Variants in COL26A1 observed in about 807,000 individuals in gnomAD.
COL26A1 encodes the protein collagen alpha-1(XXVI) chain.
A neutral mutation model predicts 59.3 loss-of-function variants in COL26A1; 41 were observed. The observed-to-expected ratio is 0.69, with a 90% CI of 0.54 to 0.90. The LOEUF (loss-of-function observed/expected upper bound fraction) is 0.90, where lower values mean the gene tolerates loss of function less well. COL26A1 is among the 40% of genes least tolerant of loss of function. The pLI is 0.00. For synonymous variants in COL26A1, 266 were observed against 256.0 expected, an observed-to-expected ratio of 1.04 and a Z score of -0.37; for missense variants, 612 against 602.3, an observed-to-expected ratio of 1.02 and a Z score of -0.17.
chr7:101,489,495 T>C (rs1794337636), intron 3 of COL26A1, among the ~76,000 whole-genome samples: 4 of 152,166 alleles, frequency 2.6e-5, no homozygotes, highest in Non-Finnish European at 5.9e-5. Flanking sequence ...CAAGAAACAA[T>C]TCATAGCTCA....
At chr7:101,376,839 A>G (rs1306336114) in intron 1 of COL26A1, among the ~76,000 whole-genome samples, 1 of 151,690 alleles carries the variant, frequency 6.6e-6, no homozygotes, top group Non-Finnish European at 1.5e-5. Context: ...GAGGCTGAGG[A>G]TTTATTTTCT....
intron 3 of COL26A1, among the ~76,000 whole-genome samples, chr7:101,493,481 T>G (rs1270533231): frequency 6.6e-6 from 1 of 152,154 alleles, no homozygotes; most frequent in African/African-American, 2.4e-5. Flanking sequence ...AGCTGTCACC[T>G]TGGCCAGGGC....
At chr7:101,540,615 G>A (rs1328743065) in intron 5 of COL26A1, among the ~76,000 whole-genome samples, 2 of 151,760 alleles carry the variant, frequency 1.3e-5, no homozygotes, top group African/African-American at 4.8e-5. Flanking sequence ...CACTTTGGAA[G>A]GTCAAGGCAG....
At position 101,385,367 on chromosome 7, in the gene COL26A1, G is replaced by GTATATATATA. The variant is rs373941775; in HGVS notation, c.158+22187_158+22196dup. Among the ~76,000 whole-genome samples the GTATATATATA allele has an allele frequency of 2.3e-3, 314 of 137,040 alleles. 7 individuals carry two copies. Among genetic ancestry groups the GTATATATATA allele is most frequent in the Middle Eastern group, 3.7e-3 (1 of 268 alleles). 89.9% of individuals were successfully genotyped at this position (137,040 alleles called of 152,430 possible). On this transcript the variant is annotated intron_variant, in intron 1 of 12. Coordinates refer to ENST00000313669, the MANE Select transcript of COL26A1 (RefSeq NM_001278563.3). ...TATATATATGTGTATATATATGTGT[G>GTATATATATA]TATATATATATATATATATTTGTGA...
intron 2 of COL26A1, among the ~76,000 whole-genome samples, chr7:101,435,604 C>T (rs955836819): frequency 3.9e-5 from 6 of 152,224 alleles, no homozygotes; most frequent in Middle Eastern, 3.4e-3. Flanking sequence ...TTGGGCGTCA[C>T]GGACATTGGG....
intron 2 of COL26A1, among the ~76,000 whole-genome samples, chr7:101,425,439 G>A (rs552266252): frequency 1.3e-5 from 2 of 152,144 alleles, no homozygotes; most frequent in Admixed American, 1.3e-4. Context: ...AGGAGATGAA[G>A]CAGCATTACT....
intron 8 of COL26A1, among the ~76,000 whole-genome samples, chr7:101,547,681 C>T (rs1008229763): frequency 6.6e-6 from 1 of 152,226 alleles, no homozygotes; most frequent in African/African-American, 2.4e-5. Context: ...ACTGCCTTGT[C>T]CCTTTCTGCC....
chr7:101,504,172 C>G (rs1259856729), intron 3 of COL26A1, among the ~76,000 whole-genome samples: 5 of 152,146 alleles, frequency 3.3e-5, no homozygotes, highest in African/African-American at 1.2e-4. Context: ...GCAATCTCGG[C>G]TCACTGCAAC....
At position 101,382,632 on chromosome 7, in the gene COL26A1, T is replaced by C. The variant is rs80058528; in HGVS notation, c.158+19442T>C. 7.0e-4 allele frequency among the ~76,000 whole-genome samples: 106 copies of C among 152,324 alleles called. 1 individual carries two copies. In the East Asian group the frequency reaches 0.02, roughly 29 times the overall value. Reference sequence around the variant, plus strand: ...TCCTTCACTGTTCTTTATCAAAATATTCTTAGTTGTTCTTATACATCTTTT... The same window carrying C: ...TCCTTCACTGTTCTTTATCAAAATACTCTTAGTTGTTCTTATACATCTTTT... On this transcript the variant is annotated intron_variant, in intron 1 of 12. Coordinates refer to ENST00000313669, the MANE Select transcript of COL26A1 (RefSeq NM_001278563.3).
At chr7:101,365,596 T>C (rs1008485120) in intron 1 of COL26A1, among the ~76,000 whole-genome samples, 1 of 152,076 alleles carries the variant, frequency 6.6e-6, no homozygotes, top group African/African-American at 2.4e-5. Flanking sequence ...CTGGCTAATT[T>C]TTGTATTGTT....
At chr7:101,495,610 G>T (rs144579560) in intron 3 of COL26A1, among the ~76,000 whole-genome samples, 1 of 150,922 alleles carries the variant, frequency 6.6e-6, no homozygotes. Flanking sequence ...TAGTTGAGAC[G>T]GGGTTTCACC....
intron 3 of COL26A1, among the ~76,000 whole-genome samples, chr7:101,494,313 G>T (rs1325644333): frequency 6.6e-6 from 1 of 152,036 alleles, no homozygotes; most frequent in Non-Finnish European, 1.5e-5. Context: ...TTTTAGTAGG[G>T]ATAGGGTTTC....
chr7:101,390,334 G>A (rs555452345), intron 1 of COL26A1, among the ~76,000 whole-genome samples: 2 of 151,796 alleles, frequency 1.3e-5, no homozygotes, highest in East Asian at 1.9e-4. Flanking sequence ...CACCGTGTTG[G>A]CCAGGCTGGT....
intron 2 of COL26A1, among the ~76,000 whole-genome samples, chr7:101,446,046 C>CAAAAAAAAAAAAAAAAAAAAAAAA (rs60343304): frequency 9.8e-5 from 5 of 50,994 alleles, no homozygotes; most frequent in South Asian, 9.8e-4. Context: ...GACTCCGTCT[C>CAAAAAAAAAAAAAAAAAAAAAAAA]AAAAAAAAAA....
Position 101,384,205 on chromosome 7 carries a change from G to C in COL26A1, c.158+21015G>C, listed in dbSNP as rs373939641. On this transcript the variant is annotated intron_variant, in intron 1 of 12. Transcript: ENST00000313669. ...ATTTTTAAATTATTTGTAGAGATGG[G>C]GGTCTTCCTATATTGTTCAGGCTGG... Among the ~76,000 whole-genome samples the C allele has an allele frequency of 4.0e-5, 6 of 149,672 alleles. No homozygotes were observed. In the East Asian group the frequency reaches 7.8e-4, roughly 19 times the overall value.
chr7:101,386,215 G>A (rs1442489874), intron 1 of COL26A1, among the ~76,000 whole-genome samples: 1 of 151,036 alleles, frequency 6.6e-6, no homozygotes, highest in Admixed American at 6.6e-5. Flanking sequence ...CTCCTGCCGA[G>A]TGTCTGCCCT....
chr7:101,524,813 A>T (rs112993689), intron 3 of COL26A1, among the ~76,000 whole-genome samples: 23 of 152,296 alleles, frequency 1.5e-4, no homozygotes, highest in African/African-American at 5.3e-4. Flanking sequence ...ATAATTCTAT[A>T]ACAGTAGTTT....
chr7:101,530,048 G>A (rs1017243353), intron 3 of COL26A1, among the ~76,000 whole-genome samples: 1 of 152,124 alleles, frequency 6.6e-6, no homozygotes, highest in Admixed American at 6.5e-5. Flanking sequence ...GGGTGGATGA[G>A]GGATGATTAG....
intron 3 of COL26A1, among the ~76,000 whole-genome samples, chr7:101,527,399 C>T (rs919387232): frequency 6.6e-6 from 1 of 152,168 alleles, no homozygotes; most frequent in Non-Finnish European, 1.5e-5. Context: ...ACGATCTCGG[C>T]TCACTGAAAC....
Sources: gnomAD v4.1 joint callset for allele counts (sites outside exome capture counted in the v4.1 genomes callset) on GRCh38, gnomAD v4.1.1 for gene constraint, MANE v1.5 for transcripts, NCBI Gene and HGNC (gene_info 2026-07-23, HGNC 2026-07-21) for gene names.